Variants in MARCHF2 observed in about 807,000 individuals in gnomAD.
MARCHF2 encodes membrane associated ring-CH-type finger 2, also known as E3 ubiquitin-protein ligase MARCHF2.
In MARCHF2, 22 loss-of-function variants were observed where a neutral mutation model predicts 24.0. The ratio of observed to expected loss-of-function variants is 0.92; its 90% CI spans 0.66 to 1.31. The LOEUF is 1.31. Ranked by LOEUF, MARCHF2 falls within the 50% of genes most tolerant of loss-of-function variation. MARCHF2 has a pLI of 0.00. For missense variants in MARCHF2, 301 were observed against 335.3 expected (o/e 0.90, Z 0.80); for synonymous variants, 154 against 153.0 (o/e 1.01, Z -0.05).
Position 8,426,610 on chromosome 19 carries a change from G to A in MARCHF2, c.178G>A (p.Asp60Asn). 6.2e-7 allele frequency: 1 copy of A among 1,613,698 alleles called. No individual in the cohort carries two copies. The highest frequency in any genetic ancestry group is 1.1e-5 in the South Asian group (1 of 91,054). Residue 60 changes from aspartate (D) to asparagine (N), a missense_variant and splice_region_variant, in exon 3 of 5, where the codon GAT becomes AAT. Asp to Asn is a conservative substitution (Grantham distance 23, BLOSUM62 1). Transcript: ENST00000215555. ...TVIRALDTPS[D>N]GPFCRICHEG... ...CATGGGTCCTATCTCTGTGTCCAGT[G>A]ATGGTCCTTTCTGCCGGATCTGCCA...
At position 8,438,659 on chromosome 19, in the gene MARCHF2, T is replaced by TAAGAAGCGTTCAGGCCGTGCG; in HGVS notation, c.*113_*114insAAGAAGCGTTCAGGCCGTGCG. 8.6e-7 allele frequency: 1 copy of TAAGAAGCGTTCAGGCCGTGCG among 1,159,882 alleles called. No individual in the cohort carries two copies. The highest frequency in any genetic ancestry group is 1.2e-6 in the Non-Finnish European group (1 of 825,922). 71.8% of individuals were successfully genotyped at this position (1,159,882 alleles called of 1,614,324 possible). ...CCACTTCAACAGTTCCCGCACGGCC[T>TAAGAAGCGTTCAGGCCGTGCG]GAACGCTTCTTAGGCCAAGAGACAC... On this transcript the variant is annotated 3_prime_UTR_variant, in exon 5 of 5. Transcript: ENST00000215555.
At chr19:8,435,828 C>CTGTGTG (rs35027764) in intron 4 of MARCHF2, among the ~76,000 whole-genome samples, 4,713 of 141,094 alleles carry the variant, frequency 0.033, 161 homozygotes, top group East Asian at 0.16. Context: ...TGCACCTGGC[C>CTGTGTG]TGTGTGTGTG....
At chr19:8,422,434 C>A (rs921738346) in intron 2 of MARCHF2, among the ~76,000 whole-genome samples, 1 of 151,926 alleles carries the variant, frequency 6.6e-6, no homozygotes, top group African/African-American at 2.4e-5. Flanking sequence ...ATTTTGTTGC[C>A]CAGGCTGGAG....
In MARCHF2 at chr19:8,415,745, A is replaced by AAAAAAAAAAC. The variant is rs1967068963; in HGVS notation, c.-53+2334_-53+2335insCAAAAAAAAA. Reference sequence around the variant, plus strand: ...TCAAAAAAAAAAAAACAAAAAAAACAAAAAAAAAAACCAGACAAAAGAAAG... The same window carrying AAAAAAAAAAC: ...TCAAAAAAAAAAAAACAAAAAAAACAAAAAAAAAACAAAAAAAAAACCAGACAAAAGAAAG... On this transcript the variant is annotated intron_variant, in intron 1 of 4. Coordinates refer to ENST00000215555, the MANE Select transcript of MARCHF2 (RefSeq NM_001005415.2). Among the ~76,000 whole-genome samples the AAAAAAAAAAC allele has an allele frequency of 1.5e-3, 82 of 53,994 alleles. 3 individuals carry two copies. Among genetic ancestry groups the AAAAAAAAAAC allele is most frequent in the African/African-American group, 4.0e-3 (70 of 17,410 alleles). The allele number at this position is 53,994 out of a possible 152,430, so 35.4% of individuals were successfully genotyped here. A position where few individuals can be genotyped will look rare whatever the true frequency, so the allele number is the denominator to read the frequency against.
intron 1 of MARCHF2, chr19:8,418,821 C>T (rs533472239): frequency 6.6e-6 from 1 of 151,942 alleles, no homozygotes; most frequent in South Asian, 2.1e-4. Flanking sequence ...TGAACAACTT[C>T]CCCTGGCCCA....
intron 1 of MARCHF2, among the ~76,000 whole-genome samples, chr19:8,415,200 C>T (rs1568233436): frequency 6.6e-6 from 1 of 151,126 alleles, no homozygotes; most frequent in African/African-American, 2.4e-5. Flanking sequence ...AGTTCAGGAC[C>T]AGCCTGGGCA....
chr19:8,420,434 G>A (rs973365864), intron 1 of MARCHF2, among the ~76,000 whole-genome samples: 10 of 151,076 alleles, frequency 6.6e-5, no homozygotes, highest in Non-Finnish European at 4.4e-5. Flanking sequence ...TACTTGGGGG[G>A]CTGAGGCAGG....
Position 8,438,459 on chromosome 19 carries a change from C to G in MARCHF2, c.654C>G (p.Ile218Met), listed in dbSNP as rs778056147. ...RKTNQKVRLK[I>M]READSPEGPQ... ...CCAACCAGAAAGTTCGCCTGAAGAT[C>G]CGGGAGGCGGACAGCCCCGAGGGCC... Residue 218 changes from isoleucine (I) to methionine (M), a missense_variant, in exon 5 of 5, where the codon ATC (isoleucine) becomes ATG (methionine). Coordinates refer to ENST00000215555, the MANE Select transcript of MARCHF2 (RefSeq NM_001005415.2). 8.1e-6 allele frequency: 13 copies of G among 1,614,028 alleles called. No homozygotes were observed. The highest frequency in any genetic ancestry group is 1.1e-5 in the Non-Finnish European group (13 of 1,180,034).
chr19:8,414,550 T>G (rs1366918455), intron 1 of MARCHF2, among the ~76,000 whole-genome samples: 2 of 152,200 alleles, frequency 1.3e-5, no homozygotes, highest in Non-Finnish European at 2.9e-5. Flanking sequence ...AGTGCTGGGA[T>G]TACAGGCGTG....
chr19:8,423,032 T>C lies in MARCHF2; in HGVS notation c.176+1016T>C, dbSNP rs114801273. ...TCAACAAATATTAAGGCTTTTTTTTTCCTCTCTTCTCTGAATTTGTTTTTT... is the reference window on the plus strand; with the variant it reads ...TCAACAAATATTAAGGCTTTTTTTTCCCTCTCTTCTCTGAATTTGTTTTTT... On this transcript the variant is annotated intron_variant, in intron 2 of 4. Coordinates refer to ENST00000215555, the MANE Select transcript of MARCHF2 (RefSeq NM_001005415.2). Among the ~76,000 whole-genome samples, 781 of 142,806 alleles carry C rather than the reference T, an allele frequency of 5.5e-3. 7 individuals are homozygous for C. Among genetic ancestry groups the C allele is most frequent in the African/African-American group, 0.019 (723 of 37,812 alleles). The allele number at this position is 142,806 out of a possible 152,430, so 93.7% of individuals were successfully genotyped here.
At chr19:8,435,375 T>G (rs184827933) in intron 4 of MARCHF2, among the ~76,000 whole-genome samples, 2 of 152,080 alleles carry the variant, frequency 1.3e-5, no homozygotes, top group East Asian at 1.9e-4. Context: ...ACAGCAAAAT[T>G]TAGCAGAAAG....
At chr19:8,413,464 G>C (rs1238328522) in intron 1 of MARCHF2, 44 bp downstream of exon 1, 1 of 151,988 alleles carries the variant, frequency 6.6e-6, no homozygotes, top group Admixed American at 6.6e-5. Context: ...GCCAGTCCGC[G>C]GGCCGGCCCC....
chr19:8,425,855 TCCTCC>T (rs1967384352), intron 2 of MARCHF2, among the ~76,000 whole-genome samples: 2 of 151,318 alleles, frequency 1.3e-5, no homozygotes, highest in African/African-American at 4.8e-5. Context: ...GACCTCATGA[TCCTCC>T]TGCCTTGGCC....
At chr19:8,419,748 A>C (rs12979798) in intron 1 of MARCHF2, among the ~76,000 whole-genome samples, 2 of 144,200 alleles carry the variant, frequency 1.4e-5, no homozygotes, top group Non-Finnish European at 3.0e-5. Flanking sequence ...CCCGGGAGGC[A>C]GAGCTTGCAG....
chr19:8,431,884 C>T (rs111620216), intron 4 of MARCHF2, among the ~76,000 whole-genome samples: 6 of 151,424 alleles, frequency 4.0e-5, no homozygotes, highest in African/African-American at 1.5e-4. Context: ...AAGCCAGGTG[C>T]GGTGGCTCAT....
At chr19:8,423,943 A>G (rs1257683809) in intron 2 of MARCHF2, among the ~76,000 whole-genome samples, 1 of 146,738 alleles carries the variant, frequency 6.8e-6, no homozygotes, top group Non-Finnish European at 1.5e-5. Context: ...CCGAGGCTGC[A>G]GTGAGCTGTG....
At chr19:8,433,825 C>T (rs1375217172) in intron 4 of MARCHF2, among the ~76,000 whole-genome samples, 1 of 151,132 alleles carries the variant, frequency 6.6e-6, no homozygotes, top group Non-Finnish European at 1.5e-5. Context: ...GATCGTGCCA[C>T]TGCACTCCAG....
At position 8,416,951 on chromosome 19, in the gene MARCHF2, G is replaced by T. The variant is rs368473078; in HGVS notation, c.-53+3531G>T. ...ACAACTGTTTCGAGTTCAGTGAGAT[G>T]ATGACTATGTATGGAGATTGCTTGG... On this transcript the variant is annotated intron_variant, in intron 1 of 4. Transcript: ENST00000215555. 6.6e-5 allele frequency among the ~76,000 whole-genome samples: 10 copies of T among 152,286 alleles called. No homozygotes were observed. In the East Asian group the frequency reaches 1.2e-3, roughly 18 times the overall value.
At chr19:8,417,922 C>G (rs143038985) in intron 1 of MARCHF2, among the ~76,000 whole-genome samples, 1 of 151,508 alleles carries the variant, frequency 6.6e-6, no homozygotes, top group East Asian at 1.9e-4. Context: ...GCCAACATGC[C>G]TGGCTAATTT....
Sources: allele counts gnomAD v4.1 joint callset (sites outside exome capture counted in the v4.1 genomes callset), GRCh38; gene constraint gnomAD v4.1.1; transcripts MANE v1.5; gene names NCBI Gene and HGNC (gene_info 2026-07-23, HGNC 2026-07-21).